NCOR1: variants seen among roughly 807,000 people sequenced by gnomAD.
NCOR1 encodes nuclear receptor corepressor 1, also known as protein phosphatase 1, regulatory subunit 109.
A neutral mutation model predicts 288.1 loss-of-function variants in NCOR1; 63 were observed. The ratio of observed to expected loss-of-function variants is 0.22; its 90% CI spans 0.18 to 0.27. The LOEUF (loss-of-function observed/expected upper bound fraction) is 0.27. NCOR1 is among the 10% of genes least tolerant of loss of function. The pLI is 1.00. For synonymous variants in NCOR1, 1,007 were observed against 1,065.9 expected (o/e 0.94, Z 1.08); for missense variants, 2,397 against 3,019.2 (o/e 0.79, Z 4.83).
At chr17:16,178,520 A>AAGAAT (rs2084722084) in intron 3 of NCOR1, among the ~76,000 whole-genome samples, 1 of 150,136 alleles carries the variant, frequency 6.7e-6, no homozygotes, top group African/African-American at 2.4e-5. Context: ...AAAAAAAAAA[A>AAGAAT]AGAATAGAAT....
At chr17:16,091,817 A>G in intron 22 of NCOR1, 46 bp downstream of exon 22, 1 of 1,611,936 alleles carries the variant, frequency 6.2e-7, no homozygotes, top group Non-Finnish European at 8.5e-7. Flanking sequence ...GTTTAGCTTT[A>G]TTTCCCTTCA....
At chr17:16,049,724 T>C (rs2059089084) in intron 40 of NCOR1, among the ~76,000 whole-genome samples, 1 of 151,866 alleles carries the variant, frequency 6.6e-6, no homozygotes, top group Non-Finnish European at 1.5e-5. Context: ...GAATTGGAAT[T>C]ATAGGCATGC....
At chr17:16,127,379 A>ATGTATGTATATATACATGTGTATATG (rs1568199481) in intron 14 of NCOR1, among the ~76,000 whole-genome samples, 613 of 34,806 alleles carry the variant, frequency 0.018, 136 homozygotes, top group Non-Finnish European at 0.036. Context: ...GTATGTATAT[A>ATGTATGTATATATACATGTGTATATG]TGTATGTATA....
At chr17:16,075,111 G>A (rs916229346) in intron 27 of NCOR1, among the ~76,000 whole-genome samples, 2 of 152,106 alleles carry the variant, frequency 1.3e-5, no homozygotes, top group South Asian at 2.1e-4. Flanking sequence ...CTTGTGATCC[G>A]CCTGCCTCGG....
chr17:16,135,518 A>G (rs141021533), intron 14 of NCOR1, among the ~76,000 whole-genome samples: 152 of 152,200 alleles, frequency 1.0e-3, no homozygotes, highest in Non-Finnish European at 1.8e-3. Flanking sequence ...AAATTTTAAA[A>G]ACAAGGTTGC....
intron 40 of NCOR1, chr17:16,057,109 C>T (rs2152544656): frequency 6.0e-6 from 1 of 165,540 alleles, no homozygotes; most frequent in South Asian, 1.6e-4. Context: ...GCTAGCATTA[C>T]AGGTATAAGC....
intron 4 of NCOR1, among the ~76,000 whole-genome samples, chr17:16,169,558 A>C (rs568273530): frequency 6.6e-6 from 1 of 152,272 alleles, no homozygotes; most frequent in East Asian, 1.9e-4. Flanking sequence ...TAGTTAGTAG[A>C]AGTAGTCATG....
chr17:16,202,453 T>G (rs186049013), intron 1 of NCOR1, among the ~76,000 whole-genome samples: 11 of 150,110 alleles, frequency 7.3e-5, no homozygotes, highest in African/African-American at 2.4e-4. Context: ...GATGACTACA[T>G]GCCAATTCCC....
At chr17:16,194,421 C>T in intron 2 of NCOR1, 41 bp downstream of exon 2, 1 of 1,343,964 alleles carries the variant, frequency 7.4e-7, no homozygotes, top group Non-Finnish European at 1.0e-6. Flanking sequence ...TAAAGAAAAA[C>T]ACAAAAAACA....
At chr17:16,033,020 C>G (rs758936681) in intron 45 of NCOR1, among the ~76,000 whole-genome samples, 3 of 152,160 alleles carry the variant, frequency 2.0e-5, no homozygotes, top group Non-Finnish European at 2.9e-5. Context: ...AGATGTTTAA[C>G]TGTCCCCAGA....
At chr17:16,106,854 C>CATATATATATATATATATATATATATAT (rs1162344281) in intron 19 of NCOR1, among the ~76,000 whole-genome samples, 1 of 46,156 alleles carries the variant, frequency 2.2e-5, no homozygotes, top group African/African-American at 1.1e-4. Flanking sequence ...CTTGATCAGA[C>CATATATATATATATATATATATATATAT]ATATATATAT....
intron 2 of NCOR1, among the ~76,000 whole-genome samples, chr17:16,194,207 G>A (rs2089265376): frequency 6.6e-6 from 1 of 152,088 alleles, no homozygotes; most frequent in Non-Finnish European, 1.5e-5. Flanking sequence ...CTAGAGAATT[G>A]GTAAGTTTTC....
At chr17:16,197,157 T>C (rs2089997216) in intron 1 of NCOR1, among the ~76,000 whole-genome samples, 2 of 151,762 alleles carry the variant, frequency 1.3e-5, no homozygotes, top group South Asian at 4.2e-4. Context: ...TGGTCTCTAC[T>C]AAAGATACAA....
At chr17:16,038,761 T>TTTTATTG (rs1567640590) in intron 44 of NCOR1, among the ~76,000 whole-genome samples, 1 of 151,956 alleles carries the variant, frequency 6.6e-6, no homozygotes, top group African/African-American at 2.4e-5. Flanking sequence ...TTTTATTTTA[T>TTTTATTG]TGTGTGTGTC....
At chr17:16,044,429 T>C (rs887149891) in intron 42 of NCOR1, 2 of 471,546 alleles carry the variant, frequency 4.2e-6, no homozygotes, top group African/African-American at 2.0e-5. Flanking sequence ...GCCCCCACTT[T>C]CCTTTCTTTT....
intron 9 of NCOR1, among the ~76,000 whole-genome samples, chr17:16,149,155 C>T (rs1403843595): frequency 6.6e-6 from 1 of 151,848 alleles, no homozygotes; most frequent in Non-Finnish European, 1.5e-5. Context: ...ACTAAATTAT[C>T]TTTCATATTC....
intron 2 of NCOR1, among the ~76,000 whole-genome samples, chr17:16,189,558 G>GA (rs1487944217): frequency 2.1e-5 from 3 of 142,948 alleles, no homozygotes; most frequent in Non-Finnish European, 4.4e-5. Context: ...GAAACCACAG[G>GA]AAAAAAGTTA....
chr17:16,062,833 A>G (rs1260490138), intron 35 of NCOR1, among the ~76,000 whole-genome samples: 1 of 152,180 alleles, frequency 6.6e-6, no homozygotes, highest in Non-Finnish European at 1.5e-5. Flanking sequence ...ATCTTCCCAC[A>G]AAACACTTGG....
rs557673620 is a variant in NCOR1, at chr17:16,046,681, G to A, written c.6679+270C>T. Among the ~76,000 whole-genome samples, 8 of 152,280 alleles carry A rather than the reference G, an allele frequency of 5.3e-5. No individual in the cohort carries two copies. The South Asian group carries it at 1.7e-3, about 32-fold the overall frequency. ...GAGAAAGAAAAGTAAACTATGGAGA[G>A]TTAATCCAGTCCTACATAAAGAAAA... On this transcript the variant is annotated intron_variant, in intron 42 of 45. Coordinates refer to ENST00000268712, the MANE Select transcript of NCOR1 (RefSeq NM_006311.4).
Sources: allele counts gnomAD v4.1 joint callset (sites outside exome capture counted in the v4.1 genomes callset), GRCh38; gene constraint gnomAD v4.1.1; transcripts MANE v1.5; gene names NCBI Gene and HGNC (gene_info 2026-07-23, HGNC 2026-07-21).